The following CADM2 variants were observed in gnomAD, a reference collection of about 807,000 sequenced individuals.
CADM2 encodes immunoglobulin superfamily member 4D.
A neutral mutation model predicts 49.8 loss-of-function variants in CADM2; 12 were observed. The ratio of observed to expected loss-of-function variants is 0.24; its 90% confidence interval spans 0.15 to 0.39. The LOEUF is 0.39. Ranked by LOEUF, CADM2 falls within the 10% of genes least tolerant of loss-of-function variation. CADM2 has a pLI of 1.00. For missense variants in CADM2, 378 were observed against 492.3 expected (o/e 0.77, Z 2.20); for synonymous variants, 214 against 175.4 (o/e 1.22, Z -1.74).
chr3:86,065,080 A>G (rs183456250), intron 8 of CADM2, among the ~76,000 whole-genome samples: 292 of 152,306 alleles, frequency 1.9e-3, no homozygotes, highest in African/African-American at 6.8e-3. Context: ...TGAATTTTAA[A>G]TATGGAAGTT....
At chr3:85,893,040 G>C (rs1036820270) in intron 5 of CADM2, among the ~76,000 whole-genome samples, 1 of 152,148 alleles carries the variant, frequency 6.6e-6, no homozygotes, top group Non-Finnish European at 1.5e-5. Context: ...TGGAGTAAAG[G>C]TCATCCTTGC....
intron 1 of CADM2, among the ~76,000 whole-genome samples, chr3:85,541,789 A>ATATATATATATATATATATATG (rs1559897779): frequency 1.5e-4 from 21 of 141,484 alleles, no homozygotes; most frequent in African/African-American, 5.5e-4. Flanking sequence ...ATATATATAT[A>ATATATATATATATATATATATG]TATATGTATA....
At chr3:85,580,964 A>C (rs1463137809) in intron 1 of CADM2, among the ~76,000 whole-genome samples, 2 of 152,052 alleles carry the variant, frequency 1.3e-5, no homozygotes, top group African/African-American at 2.4e-5. Context: ...CTTGATTTCT[A>C]TATACACACA....
At chr3:85,931,308 G>A (rs1219868633) in intron 6 of CADM2, among the ~76,000 whole-genome samples, 1 of 152,032 alleles carries the variant, frequency 6.6e-6, no homozygotes, top group Non-Finnish European at 1.5e-5. Flanking sequence ...GCATGGTGGA[G>A]CACACCTGTG....
chr3:85,535,376 C>A (rs2061402100), intron 1 of CADM2, among the ~76,000 whole-genome samples: 1 of 152,034 alleles, frequency 6.6e-6, no homozygotes, highest in Admixed American at 6.6e-5. Context: ...CCTCCATGGG[C>A]CCTAAGTAAC....
chr3:85,468,414 G>A (rs541703275), intron 1 of CADM2, among the ~76,000 whole-genome samples: 4 of 152,152 alleles, frequency 2.6e-5, no homozygotes, highest in African/African-American at 9.6e-5. Context: ...CTCCCCGCTT[G>A]CACTCTGAGC....
intron 6 of CADM2, among the ~76,000 whole-genome samples, chr3:85,921,277 T>C (rs1719068124): frequency 6.6e-6 from 1 of 151,960 alleles, no homozygotes; most frequent in Admixed American, 6.6e-5. Context: ...TTTTGAAATT[T>C]TTGTATTTCT....
chr3:85,289,656 A>C (rs1259583539), intron 1 of CADM2, among the ~76,000 whole-genome samples: 2 of 152,158 alleles, frequency 1.3e-5, no homozygotes, highest in Non-Finnish European at 2.9e-5. Flanking sequence ...ATTTCACTCT[A>C]AGGCATGGCT....
intron 1 of CADM2, among the ~76,000 whole-genome samples, chr3:85,375,551 C>G (rs1257121499): frequency 1.3e-5 from 2 of 152,182 alleles, no homozygotes; most frequent in African/African-American, 4.8e-5. Context: ...GCTGTTCCTG[C>G]TCAGTTTGTC....
chr3:85,965,511 T>C (rs2108626632), intron 8 of CADM2, among the ~76,000 whole-genome samples: 1 of 151,528 alleles, frequency 6.6e-6, no homozygotes, highest in Admixed American at 6.6e-5. Flanking sequence ...TGCATACAGT[T>C]ATTGCTCATA....
At chr3:85,607,921 C>T (rs2063577996) in intron 1 of CADM2, among the ~76,000 whole-genome samples, 1 of 151,974 alleles carries the variant, frequency 6.6e-6, no homozygotes, top group Admixed American at 6.6e-5. Context: ...TCCCAAAGTG[C>T]TGGGATTACA....
intron 1 of CADM2, among the ~76,000 whole-genome samples, chr3:85,500,318 T>C (rs1165612051): frequency 6.6e-6 from 1 of 152,148 alleles, no homozygotes; most frequent in Non-Finnish European, 1.5e-5. Context: ...AAAAATGCTC[T>C]AGTTAATCAG....
chr3:85,514,131 T>C (rs1395600895), intron 1 of CADM2, among the ~76,000 whole-genome samples: 2 of 152,084 alleles, frequency 1.3e-5, no homozygotes, highest in African/African-American at 4.8e-5. Context: ...GCAATTTTTT[T>C]CTTTTAATGT....
Position 85,205,681 on chromosome 3 carries a change from A to T in CADM2, c.61+246013A>T, listed in dbSNP as rs560135731. Among the ~76,000 whole-genome samples, 8 of 152,246 alleles carry T rather than the reference A, an allele frequency of 5.3e-5. No homozygotes were observed. In the South Asian group the frequency reaches 1.7e-3, roughly 32 times the overall value. On this transcript the variant is annotated intron_variant, in intron 1 of 9. Coordinates refer to ENST00000383699, the MANE Select transcript of CADM2 (RefSeq NM_001167675.2). ...ATAATAAAAATAACTTGATACCAGTAACATATTATTTAAAAACTTTTCTAG... is the reference window on the plus strand; with the variant it reads ...ATAATAAAAATAACTTGATACCAGTTACATATTATTTAAAAACTTTTCTAG...
Position 85,227,613 on chromosome 3 carries a change from T to C in CADM2, c.61+267945T>C, listed in dbSNP as rs572458431. 1.8e-3 allele frequency among the ~76,000 whole-genome samples: 273 copies of C among 152,302 alleles called. 1 individual carries two copies. Among genetic ancestry groups the C allele is most frequent in the African/African-American group, 6.3e-3 (262 of 41,566 alleles). On this transcript the variant is annotated intron_variant, in intron 1 of 9. Coordinates refer to ENST00000383699, the MANE Select transcript of CADM2 (RefSeq NM_001167675.2). ...CAGTTTGCCATTCTGTGTCTTTTAA[T>C]TGGGGCATTTAGCCCATTTACATTT...
chr3:85,610,833 TTTTA>T (rs1300214528), intron 1 of CADM2, among the ~76,000 whole-genome samples: 2 of 151,974 alleles, frequency 1.3e-5, no homozygotes, highest in South Asian at 2.1e-4. Flanking sequence ...ATGAATATCT[TTTTA>T]TTTGATTTTT....
chr3:86,053,227 G>A (rs1182542764), intron 8 of CADM2, among the ~76,000 whole-genome samples: 1 of 152,066 alleles, frequency 6.6e-6, no homozygotes, highest in Non-Finnish European at 1.5e-5. Context: ...AAATATCCTA[G>A]TTCATTTTTT....
chr3:85,524,006 C>G (rs2061095560), intron 1 of CADM2, among the ~76,000 whole-genome samples: 1 of 152,064 alleles, frequency 6.6e-6, no homozygotes, highest in Non-Finnish European at 1.5e-5. Context: ...TTGTGAATGT[C>G]AAGATGTACA....
intron 1 of CADM2, among the ~76,000 whole-genome samples, chr3:85,659,053 AAATAAT>A (rs71112106): frequency 1.4e-4 from 19 of 140,060 alleles, no homozygotes; most frequent in Non-Finnish European, 1.5e-4. Flanking sequence ...CTCTGTCTCT[AAATAAT>A]AATAATAATA....
Sources: allele counts gnomAD v4.1 joint callset (sites outside exome capture counted in the v4.1 genomes callset), GRCh38; gene constraint gnomAD v4.1.1; transcripts MANE v1.5; gene names NCBI Gene and HGNC (gene_info 2026-07-23, HGNC 2026-07-21).